Variants in IQCM observed in about 807,000 individuals in gnomAD.
IQCM encodes the protein IQ motif containing M.
In IQCM, 45 loss-of-function variants were observed where a neutral mutation model predicts 57.6. The observed-to-expected ratio is 0.78, with a 90% CI of 0.62 to 1.00. The LOEUF (loss-of-function observed/expected upper bound fraction) is 1.00. Among genes scored for constraint, IQCM ranks in the 50% least tolerant of loss-of-function variants. IQCM has a pLI of 0.00. For synonymous variants in IQCM, 148 were observed against 158.9 expected (o/e 0.93, Z 0.51); for missense variants, 468 against 511.6 (o/e 0.91, Z 0.82).
intron 13 of IQCM, among the ~76,000 whole-genome samples, chr4:149,386,615 A>T (rs1317588156): frequency 6.6e-6 from 1 of 152,098 alleles, no homozygotes; most frequent in Non-Finnish European, 1.5e-5. Context: ...GTCCCAAAAA[A>T]CTATCTTTTA....
At chr4:149,662,217 G>A (rs558985187) in intron 7 of IQCM, among the ~76,000 whole-genome samples, 29 of 152,030 alleles carry the variant, frequency 1.9e-4, no homozygotes, top group Admixed American at 1.0e-3. Context: ...ATTTAGGAGC[G>A]TGTTGACTAA....
intron 3 of IQCM, among the ~76,000 whole-genome samples, chr4:149,736,496 T>C (rs947094095): frequency 6.6e-6 from 1 of 152,188 alleles, no homozygotes; most frequent in Non-Finnish European, 1.5e-5. Flanking sequence ...ATATTACCTA[T>C]TCAAAGTCTG....
At chr4:149,639,855 C>T (rs554890756) in intron 7 of IQCM, among the ~76,000 whole-genome samples, 4 of 152,180 alleles carry the variant, frequency 2.6e-5, no homozygotes, top group East Asian at 1.9e-4. Flanking sequence ...CTCGAGACAG[C>T]GAGGTGGAGG....
At chr4:149,680,661 GTTCAATTAATAAACAT>G (rs1762114491) in intron 7 of IQCM, among the ~76,000 whole-genome samples, 1 of 151,278 alleles carries the variant, frequency 6.6e-6, no homozygotes, top group Non-Finnish European at 1.5e-5. Flanking sequence ...TGAAGTTATG[GTTCAATTAATAAACAT>G]TTCACAATTC....
chr4:149,538,473 G>A (rs1503712), intron 12 of IQCM, among the ~76,000 whole-genome samples: 4 of 151,632 alleles, frequency 2.6e-5, no homozygotes, highest in African/African-American at 9.7e-5. Context: ...GGAGGAACAC[G>A]GGGACAAAGG....
intron 7 of IQCM, among the ~76,000 whole-genome samples, chr4:149,645,615 A>T (rs1014067926): frequency 6.6e-6 from 1 of 152,152 alleles, no homozygotes; most frequent in African/African-American, 2.4e-5. Context: ...CTATGATGAT[A>T]ATTTCTCTAT....
chr4:149,368,989 C>CGT (rs1274162740), intron 13 of IQCM, among the ~76,000 whole-genome samples: 262 of 14,930 alleles, frequency 0.018, 60 homozygotes, highest in African/African-American at 0.051. Flanking sequence ...TATATATACA[C>CGT]GTGTATATAT....
At chr4:149,464,021 AAGTT>A (rs1290788479) in intron 12 of IQCM, among the ~76,000 whole-genome samples, 2 of 152,222 alleles carry the variant, frequency 1.3e-5, no homozygotes, top group African/African-American at 4.8e-5. Flanking sequence ...TTCAGATAAA[AAGTT>A]AGAGTAAACA....
intron 6 of IQCM, among the ~76,000 whole-genome samples, chr4:149,684,386 C>T (rs764516120): frequency 1.9e-4 from 28 of 151,266 alleles, no homozygotes; most frequent in Non-Finnish European, 3.4e-4. Flanking sequence ...TTTCAATAGT[C>T]ATCCCAAAAG....
At chr4:149,803,165 T>C (rs1163568939) in intron 2 of IQCM, among the ~76,000 whole-genome samples, 1 of 151,934 alleles carries the variant, frequency 6.6e-6, no homozygotes, top group Non-Finnish European at 1.5e-5. Context: ...GTATGGAACG[T>C]CATTAAAGCT....
At chr4:149,677,064 T>C (rs887952305) in intron 7 of IQCM, among the ~76,000 whole-genome samples, 1 of 151,974 alleles carries the variant, frequency 6.6e-6, no homozygotes, top group Non-Finnish European at 1.5e-5. Flanking sequence ...TGGCACCAAG[T>C]ATGCAAAAAA....
intron 8 of IQCM, among the ~76,000 whole-genome samples, chr4:149,601,207 T>TTC (rs1272625846): frequency 0.011 from 3 of 264 alleles, no homozygotes; most frequent in Admixed American, 0.071. Flanking sequence ...GGACCTAAGA[T>TTC]TAGAAGATTA....
rs541069637 is a variant in IQCM at position 149,637,206 on chromosome 4, T to C, written c.566-15962A>G. Among the ~76,000 whole-genome samples, 10 of 148,656 alleles carry C rather than the reference T, an allele frequency of 6.7e-5. No homozygotes were observed. The East Asian group carries it at 9.8e-4, about 15-fold the overall frequency. Reference sequence around the variant, plus strand: ...AAGTGAATTTAGCAATGTTACAGTATACAAAGTAAATTAAAAATTAATTGT... The same window carrying C: ...AAGTGAATTTAGCAATGTTACAGTACACAAAGTAAATTAAAAATTAATTGT... On this transcript the variant is annotated intron_variant, in intron 7 of 13. Coordinates refer to ENST00000636793, the MANE Select transcript of IQCM (RefSeq NM_001363507.2).
intron 12 of IQCM, among the ~76,000 whole-genome samples, chr4:149,481,704 T>TTTTTTTTTTTTTTGTTGTTG (rs1740858640): frequency 1.5e-5 from 2 of 134,696 alleles, no homozygotes; most frequent in African/African-American, 2.7e-5. Flanking sequence ...CAGTTTTGTT[T>TTTTTTTTTTTTTTGTTGTTG]TTTTTTTTTT....
intron 7 of IQCM, among the ~76,000 whole-genome samples, chr4:149,636,230 G>T (rs1757707671): frequency 6.6e-6 from 1 of 152,180 alleles, no homozygotes; most frequent in South Asian, 2.1e-4. Context: ...ACCTTGGGCA[G>T]ACCAAAGAGG....
intron 7 of IQCM, among the ~76,000 whole-genome samples, chr4:149,674,514 G>A (rs1019352600): frequency 6.6e-6 from 1 of 152,204 alleles, no homozygotes; most frequent in East Asian, 1.9e-4. Context: ...AAGTAGATAG[G>A]TCTGGAGGAT....
At chr4:149,728,644 A>G (rs1766181078) in intron 5 of IQCM, among the ~76,000 whole-genome samples, 1 of 152,188 alleles carries the variant, frequency 6.6e-6, no homozygotes, top group African/African-American at 2.4e-5. Flanking sequence ...TTTTATGTGC[A>G]TCACTTCCAG....
intron 5 of IQCM, among the ~76,000 whole-genome samples, chr4:149,725,774 A>G (rs1422249152): frequency 2.0e-5 from 3 of 151,982 alleles, no homozygotes; most frequent in African/African-American, 4.8e-5. Context: ...GCTGACCTCA[A>G]TCTCCATAGA....
At chr4:149,536,923 A>G (rs1747349405) in intron 12 of IQCM, among the ~76,000 whole-genome samples, 1 of 152,074 alleles carries the variant, frequency 6.6e-6, no homozygotes, top group South Asian at 2.1e-4. Context: ...CCTGCTACAC[A>G]AAAGTTGTCG....
Sources: gnomAD v4.1 joint callset for allele counts (sites outside exome capture counted in the v4.1 genomes callset) on GRCh38, gnomAD v4.1.1 for gene constraint, MANE v1.5 for transcripts, NCBI Gene and HGNC (gene_info 2026-07-23, HGNC 2026-07-21) for gene names.